The following ATRNL1 variants were observed in gnomAD, a reference collection of about 807,000 sequenced individuals.
ATRNL1 encodes the protein attractin-like protein 1.
A neutral mutation model predicts 182.7 loss-of-function variants in ATRNL1; 95 were observed. The observed-to-expected ratio is 0.52, with a 90% CI of 0.44 to 0.62. The LOEUF (loss-of-function observed/expected upper bound fraction) is 0.62, where lower values mean the gene tolerates loss of function less well. ATRNL1 is among the 20% of genes least tolerant of loss of function. ATRNL1 has a pLI of 0.00. For synonymous variants in ATRNL1, 576 were observed against 568.3 expected, an observed-to-expected ratio of 1.01 and a Z score of -0.19; for missense variants, 1,471 against 1,679.5, an observed-to-expected ratio of 0.88 and a Z score of 2.17.
chr10:115,126,875 G>T (rs1844998236), intron 3 of ATRNL1, among the ~76,000 whole-genome samples: 1 of 152,122 alleles, frequency 6.6e-6, no homozygotes, highest in African/African-American at 2.4e-5. Context: ...TTTTCCTCAT[G>T]AACAAGTATC....
At chr10:115,126,002 T>G (rs1386851199) in intron 3 of ATRNL1, among the ~76,000 whole-genome samples, 2 of 152,214 alleles carry the variant, frequency 1.3e-5, no homozygotes, top group African/African-American at 4.8e-5. Context: ...GAAACTCTCT[T>G]TTATTTATTG....
At chr10:115,119,301 T>C (rs1844623040) in intron 1 of ATRNL1, among the ~76,000 whole-genome samples, 1 of 152,080 alleles carries the variant, frequency 6.6e-6, no homozygotes, top group Non-Finnish European at 1.5e-5. Flanking sequence ...ATAAGGAAAA[T>C]TTAATTTTAT....
intron 27 of ATRNL1, among the ~76,000 whole-genome samples, chr10:115,840,082 A>G (rs1950768282): frequency 6.6e-6 from 1 of 152,178 alleles, no homozygotes; most frequent in Admixed American, 6.6e-5. Context: ...CTTAGGTGCC[A>G]GGGAAAGTCT....
At chr10:115,652,650 T>A (rs1860084335) in intron 26 of ATRNL1, among the ~76,000 whole-genome samples, 1 of 152,078 alleles carries the variant, frequency 6.6e-6, no homozygotes, top group Admixed American at 6.6e-5. Context: ...AGAAGCAGTA[T>A]ATATTCGAGG....
intron 2 of ATRNL1, among the ~76,000 whole-genome samples, chr10:115,120,981 G>T (rs1844702190): frequency 6.6e-6 from 1 of 152,078 alleles, no homozygotes; most frequent in African/African-American, 2.4e-5. Flanking sequence ...GGCTTCTTGA[G>T]TGTTGATTTT....
intron 5 of ATRNL1, among the ~76,000 whole-genome samples, chr10:115,136,683 A>C (rs1845528434): frequency 6.6e-6 from 1 of 152,190 alleles, no homozygotes; most frequent in African/African-American, 2.4e-5. Context: ...ATATGGTTGT[A>C]ATCATACAGT....
chr10:115,718,334 T>C (rs1442415580), intron 26 of ATRNL1, among the ~76,000 whole-genome samples: 1 of 138,752 alleles, frequency 7.2e-6, no homozygotes, highest in Admixed American at 6.8e-5. Flanking sequence ...CCATAATACT[T>C]TTATGTATTT....
At chr10:115,621,873 T>C (rs1170884052) in intron 26 of ATRNL1, among the ~76,000 whole-genome samples, 9 of 152,206 alleles carry the variant, frequency 5.9e-5, no homozygotes, top group African/African-American at 2.2e-4. Context: ...TTTGTCTTCA[T>C]AAGAGAAATG....
intron 26 of ATRNL1, among the ~76,000 whole-genome samples, chr10:115,710,081 C>A (rs1342467939): frequency 6.6e-6 from 1 of 151,556 alleles, no homozygotes; most frequent in Non-Finnish European, 1.5e-5. Context: ...TCTTTAATGA[C>A]TGAGTGTAAT....
intron 19 of ATRNL1, among the ~76,000 whole-genome samples, chr10:115,383,739 T>C (rs999155545): frequency 2.0e-5 from 3 of 151,086 alleles, no homozygotes; most frequent in Non-Finnish European, 4.5e-5. Flanking sequence ...AAATGTCATT[T>C]ATAACAAATT....
At chr10:115,426,544 T>C (rs1308899413) in intron 21 of ATRNL1, among the ~76,000 whole-genome samples, 7 of 152,122 alleles carry the variant, frequency 4.6e-5, no homozygotes, top group Non-Finnish European at 8.8e-5. Context: ...GAACAAAGTA[T>C]AGAACTTGAG....
chr10:115,664,621 C>A, intron 26 of ATRNL1, among the ~76,000 whole-genome samples: 1 of 151,806 alleles, frequency 6.6e-6, no homozygotes, highest in East Asian at 1.9e-4. Context: ...TCAAATTAGT[C>A]TATTTTTATC....
intron 15 of ATRNL1, among the ~76,000 whole-genome samples, chr10:115,298,187 T>C (rs1030449368): frequency 2.6e-5 from 4 of 152,194 alleles, no homozygotes; most frequent in African/African-American, 9.7e-5. Flanking sequence ...TAACCCTTTT[T>C]TGGCAAATAA....
intron 17 of ATRNL1, among the ~76,000 whole-genome samples, chr10:115,314,238 C>T (rs1854181132): frequency 6.6e-6 from 1 of 152,210 alleles, no homozygotes; most frequent in East Asian, 1.9e-4. Flanking sequence ...CTCTACCTTC[C>T]TATGAAGGCA....
intron 27 of ATRNL1, among the ~76,000 whole-genome samples, chr10:115,837,143 C>T (rs1231329422): frequency 1.3e-5 from 2 of 152,066 alleles, no homozygotes; most frequent in Non-Finnish European, 1.5e-5. Flanking sequence ...TCTAAAGCAA[C>T]ATGATGTGGT....
At chr10:115,793,391 A>G (rs1319135284) in intron 27 of ATRNL1, among the ~76,000 whole-genome samples, 2 of 152,146 alleles carry the variant, frequency 1.3e-5, no homozygotes, top group African/African-American at 4.8e-5. Context: ...AAGTTCAGAT[A>G]TGCTGATGAT....
intron 27 of ATRNL1, among the ~76,000 whole-genome samples, chr10:115,739,260 C>CA (rs1265668890): frequency 1.3e-5 from 2 of 152,342 alleles, no homozygotes; most frequent in East Asian, 3.9e-4. Flanking sequence ...CATATGGTCA[C>CA]ATCACAGCTG....
intron 26 of ATRNL1, among the ~76,000 whole-genome samples, chr10:115,571,530 T>C (rs1854396091): frequency 6.6e-6 from 1 of 152,186 alleles, no homozygotes; most frequent in African/African-American, 2.4e-5. Context: ...ACTACTACAT[T>C]GTTGTAAGTA....
chr10:115,691,839 G>T (rs530029282), intron 26 of ATRNL1, among the ~76,000 whole-genome samples: 15 of 151,708 alleles, frequency 9.9e-5, no homozygotes, highest in African/African-American at 3.6e-4. Flanking sequence ...TTAAGTTGTC[G>T]ATTTTGTTTA....
Sources: gnomAD v4.1 joint callset for allele counts (sites outside exome capture counted in the v4.1 genomes callset) on GRCh38, gnomAD v4.1.1 for gene constraint, MANE v1.5 for transcripts, NCBI Gene and HGNC (gene_info 2026-07-23, HGNC 2026-07-21) for gene names.